KIRREL3: variants seen among roughly 807,000 people sequenced by gnomAD.
KIRREL3 encodes kin of IRRE-like protein 3.
KIRREL3 carries 36 observed loss-of-function variants against 89.7 expected under a neutral mutation model. The ratio of observed to expected loss-of-function variants is 0.40; its 90% confidence interval spans 0.31 to 0.53. KIRREL3 has a LOEUF of 0.53. Among genes scored for constraint, KIRREL3 ranks in the 20% least tolerant of loss-of-function variants. The pLI is 0.49. For synonymous variants in KIRREL3, 445 were observed against 441.4 expected (o/e 1.01, Z -0.10); for missense variants, 864 against 1,056.6 (o/e 0.82, Z 2.53).
At position 126,569,299 on chromosome 11, in the gene KIRREL3, G is replaced by T. The variant is rs1484054764; in HGVS notation, c.56-6387C>A. The stretch of plus-strand genomic sequence containing the variant: ...AGGACTTGGATGATCATGTGAGAAG[G>T]AGTTCTAGGCTGAAGAAATATTTTT... On this transcript the variant is annotated intron_variant, in intron 1 of 16. Coordinates refer to ENST00000525144, the MANE Select transcript of KIRREL3 (RefSeq NM_032531.4). The surrounding 1 kb of genome is among the most constrained non-coding windows in gnomAD (Gnocchi z 6.5). Among the ~76,000 whole-genome samples, 4 of 152,214 alleles carry T rather than the reference G, an allele frequency of 2.6e-5. No homozygotes were observed. The highest frequency in any genetic ancestry group is 5.9e-5 in the Non-Finnish European group (4 of 68,038).
At chr11:126,597,213 G>A (rs1942438803) in intron 1 of KIRREL3, among the ~76,000 whole-genome samples, 1 of 152,212 alleles carries the variant, frequency 6.6e-6, no homozygotes. Flanking sequence ...CTGGTCAAGA[G>A]CAGCCTCGCT....
rs548092812 is a variant in KIRREL3 at position 126,448,588 on chromosome 11, A to G, written c.997+421T>C. ...GCTTTGCAGGGGCAGGGGTTAGATCATGAGAGTGGAGCCCTCGTGATGAGA... is the reference window on the plus strand; with the variant it reads ...GCTTTGCAGGGGCAGGGGTTAGATCGTGAGAGTGGAGCCCTCGTGATGAGA... On this transcript the variant is annotated intron_variant, in intron 8 of 16. Coordinates refer to ENST00000525144, the MANE Select transcript of KIRREL3 (RefSeq NM_032531.4). Among the ~76,000 whole-genome samples the G allele has an allele frequency of 1.2e-4, 18 of 152,346 alleles. No homozygotes were observed. The South Asian group carries it at 3.5e-3, about 30-fold the overall frequency.
chr11:126,497,386 A>G (rs1957706472), intron 4 of KIRREL3, among the ~76,000 whole-genome samples: 2 of 152,066 alleles, frequency 1.3e-5, no homozygotes, highest in Admixed American at 1.3e-4. Flanking sequence ...TGTGCCTGCC[A>G]TCTCTGTTCC....
chr11:126,728,906 T>C (rs924010738), intron 1 of KIRREL3, among the ~76,000 whole-genome samples: 5 of 140,418 alleles, frequency 3.6e-5, no homozygotes, highest in Non-Finnish European at 7.7e-5. Flanking sequence ...AGGTGCCATG[T>C]GTAATCAGGA....
intron 11 of KIRREL3, among the ~76,000 whole-genome samples, chr11:126,439,630 A>C (rs960889897): frequency 1.3e-5 from 2 of 151,240 alleles, no homozygotes; most frequent in African/African-American, 2.4e-5. Context: ...CAGCCTGACC[A>C]ACATGGTGAG....
At chr11:126,743,401 G>T (rs111546820) in intron 1 of KIRREL3, among the ~76,000 whole-genome samples, 1 of 152,174 alleles carries the variant, frequency 6.6e-6, no homozygotes, top group Admixed American at 6.5e-5. Context: ...TGATTTAGGA[G>T]GTTTGACATG....
intron 1 of KIRREL3, among the ~76,000 whole-genome samples, chr11:126,638,908 C>G (rs2134918774): frequency 6.6e-6 from 1 of 152,276 alleles, no homozygotes; most frequent in Middle Eastern, 3.4e-3. Flanking sequence ...TGAGTAATTA[C>G]CTATTTCCTT....
chr11:126,450,009 C>A (rs920042216), intron 7 of KIRREL3, among the ~76,000 whole-genome samples: 11 of 152,232 alleles, frequency 7.2e-5, no homozygotes, highest in Non-Finnish European at 1.2e-4. Flanking sequence ...CCAATCGGTA[C>A]CACACAATAG....
intron 1 of KIRREL3, among the ~76,000 whole-genome samples, chr11:126,737,371 G>A (rs535220546): frequency 2.0e-5 from 3 of 152,100 alleles, no homozygotes; most frequent in Non-Finnish European, 2.9e-5. Context: ...GGGAGAGGGC[G>A]GAGGAGGGAG....
chr11:126,770,363 G>A lies in KIRREL3; in HGVS notation c.56-207451C>T, dbSNP rs111270050. On this transcript the variant is annotated intron_variant, in intron 1 of 16. Coordinates refer to ENST00000525144, the MANE Select transcript of KIRREL3 (RefSeq NM_032531.4). ...CAAGACTTCTGCCCCATCCCTGCCC[G>A]TCAGTCACTGTTCCTGTCACTACAG... is the stretch of plus-strand genomic sequence containing the variant. Among the ~76,000 whole-genome samples, 1,163 of 152,270 alleles carry A rather than the reference G, an allele frequency of 7.6e-3. 15 individuals are homozygous for A. Among genetic ancestry groups the A allele is most frequent in the African/African-American group, 0.026 (1,094 of 41,554 alleles).
chr11:126,923,719 C>T (rs1947575077), intron 1 of KIRREL3, among the ~76,000 whole-genome samples: 1 of 152,156 alleles, frequency 6.6e-6, no homozygotes, highest in Non-Finnish European at 1.5e-5. Flanking sequence ...GCTAGGATTA[C>T]AGGCATGAGC....
intron 1 of KIRREL3, among the ~76,000 whole-genome samples, chr11:126,673,541 T>A (rs1237825562): frequency 1.3e-5 from 2 of 152,198 alleles, no homozygotes; most frequent in East Asian, 1.9e-4. Context: ...AATTCATAAT[T>A]GCTTCTTACC....
In KIRREL3 at chr11:126,431,009, C is replaced by A; in HGVS notation, c.1696+410G>T. 2 of 1,140,422 alleles carry A rather than the reference C, an allele frequency of 1.8e-6. No homozygotes were observed. Among genetic ancestry groups the A allele is most frequent in the Non-Finnish European group, 2.2e-6 (2 of 929,200 alleles). 70.6% of individuals were successfully genotyped at this position (1,140,422 alleles called of 1,614,324 possible). A position where few individuals can be genotyped will look rare whatever the true frequency, so the allele number is the denominator to read the frequency against. Reference sequence around the variant, plus strand: ...CCCCCACAGCTGTGTGAGTGACCTGCTTTTCTGGTGAGACTAGCAGCTCTT... The same window carrying A: ...CCCCCACAGCTGTGTGAGTGACCTGATTTTCTGGTGAGACTAGCAGCTCTT... On this transcript the variant is annotated intron_variant, in intron 14 of 16. Coordinates refer to ENST00000525144, the MANE Select transcript of KIRREL3 (RefSeq NM_032531.4). This position sits in a 1 kb window ranked among gnomAD's most constrained non-coding sequence, Gnocchi z 7.1.
At chr11:126,746,879 T>A (rs185034549) in intron 1 of KIRREL3, among the ~76,000 whole-genome samples, 89 of 152,274 alleles carry the variant, frequency 5.8e-4, no homozygotes, top group Non-Finnish European at 1.0e-3. Flanking sequence ...CCCCTTGAGA[T>A]TCTGGTTCAG....
At position 126,605,282 on chromosome 11, in the gene KIRREL3, A is replaced by G. The variant is rs1327038395; in HGVS notation, c.56-42370T>C. Among the ~76,000 whole-genome samples, 1 of 152,160 alleles carries G rather than the reference A, an allele frequency of 6.6e-6. No homozygotes were observed. Among genetic ancestry groups the G allele is most frequent in the African/African-American group, 2.4e-5 (1 of 41,430 alleles). On this transcript the variant is annotated intron_variant, in intron 1 of 16. Transcript: ENST00000525144. This position sits in a 1 kb window ranked among gnomAD's most constrained non-coding sequence, Gnocchi z 5.7. ...CACTGCCAGGATTCCAGGCAGGTATAATGTGCTGCACTTAATGTAGAGGAT... is the reference window on the plus strand; with the variant it reads ...CACTGCCAGGATTCCAGGCAGGTATGATGTGCTGCACTTAATGTAGAGGAT...
In KIRREL3 at chr11:126,877,286, T is replaced by C. The variant is rs1240908849; in HGVS notation, c.55+123169A>G. ...CATTACATCTGGAACTGGGCTCAGATAGCAAAAGAGCGTTCTATATATACA... is the reference window on the plus strand; with the variant it reads ...CATTACATCTGGAACTGGGCTCAGACAGCAAAAGAGCGTTCTATATATACA... On this transcript the variant is annotated intron_variant, in intron 1 of 16. Transcript: ENST00000525144. The surrounding 1 kb of genome is among the most constrained non-coding windows in gnomAD (Gnocchi z 4.9). 2.0e-5 allele frequency among the ~76,000 whole-genome samples: 3 copies of C among 152,232 alleles called. No individual in the cohort carries two copies. Among genetic ancestry groups the C allele is most frequent in the African/African-American group, 4.8e-5 (2 of 41,460 alleles).
chr11:126,850,394 T>C (rs1473058556), intron 1 of KIRREL3, among the ~76,000 whole-genome samples: 3 of 152,288 alleles, frequency 2.0e-5, no homozygotes, highest in East Asian at 3.9e-4. Flanking sequence ...TCCCAGTGCT[T>C]GCGAGTGAGC....
intron 6 of KIRREL3, among the ~76,000 whole-genome samples, chr11:126,456,832 A>G (rs1430972046): frequency 4.6e-5 from 7 of 152,182 alleles, no homozygotes; most frequent in Non-Finnish European, 1.0e-4. Context: ...TTCAGTGCAG[A>G]CTGTCTTTGA....
intron 1 of KIRREL3, among the ~76,000 whole-genome samples, chr11:126,800,224 T>C (rs1404356523): frequency 6.6e-6 from 1 of 152,132 alleles, no homozygotes; most frequent in African/African-American, 2.4e-5. Flanking sequence ...CTTGGGCCAT[T>C]TAGAATCTGA....
Sources: gnomAD v4.1 joint callset for allele counts (sites outside exome capture counted in the v4.1 genomes callset) on GRCh38, gnomAD v4.1.1 for gene constraint, Gnocchi (gnomAD v3.1) non-coding constraint, MANE v1.5 for transcripts, NCBI Gene and HGNC (gene_info 2026-07-23, HGNC 2026-07-21) for gene names.